The following TRERF1 variants were observed in gnomAD, a reference collection of about 807,000 sequenced individuals.
The protein encoded by TRERF1 is transcriptional-regulating factor 1.
In TRERF1, 27 loss-of-function variants were observed where a neutral mutation model predicts 122.9. The observed-to-expected ratio is 0.22, with a 90% CI of 0.16 to 0.30. The LOEUF (loss-of-function observed/expected upper bound fraction) is 0.30, where lower values mean the gene tolerates loss of function less well. TRERF1 is among the 10% of genes least tolerant of loss of function. The probability of loss-of-function intolerance (pLI) is 1.00; values close to 1 mark genes in which losing one functional copy is unlikely to be tolerated. For missense variants in TRERF1, 1,248 were observed against 1,560.3 expected (o/e 0.80, Z 3.37); for synonymous variants, 636 against 641.7 (o/e 0.99, Z 0.13).
At chr6:42,293,630 T>C (rs1056041204) in intron 4 of TRERF1, among the ~76,000 whole-genome samples, 8 of 152,094 alleles carry the variant, frequency 5.3e-5, no homozygotes, top group African/African-American at 1.9e-4. Flanking sequence ...AGTCTCTCCC[T>C]CTCCTCTTAG....
intron 2 of TRERF1, among the ~76,000 whole-genome samples, chr6:42,386,833 C>A (rs944554651): frequency 6.6e-6 from 1 of 152,186 alleles, no homozygotes; most frequent in African/African-American, 2.4e-5. Context: ...AGATGCGCAG[C>A]AACTAAGCTC....
chr6:42,229,338 A>T (rs1403184534), intron 17 of TRERF1, among the ~76,000 whole-genome samples: 1 of 151,982 alleles, frequency 6.6e-6, no homozygotes, highest in Admixed American at 6.6e-5. Context: ...GAGTCTTGCT[A>T]TGTTGCCCAT....
chr6:42,287,977 C>G (rs1348649199), intron 4 of TRERF1, among the ~76,000 whole-genome samples: 1 of 152,044 alleles, frequency 6.6e-6, no homozygotes, highest in East Asian at 1.9e-4. Context: ...TCCTATGAAG[C>G]CACACAAAGT....
intron 2 of TRERF1, among the ~76,000 whole-genome samples, chr6:42,433,510 C>T (rs1426917968): frequency 6.6e-6 from 1 of 152,042 alleles, no homozygotes. Flanking sequence ...AAATCAGGGC[C>T]TACCAAGGCC....
At chr6:42,331,805 C>A (rs751433355) in intron 3 of TRERF1, among the ~76,000 whole-genome samples, 1 of 152,216 alleles carries the variant, frequency 6.6e-6, no homozygotes, top group Non-Finnish European at 1.5e-5. Flanking sequence ...GCACACATAC[C>A]CCAGGCCCAC....
intron 3 of TRERF1, among the ~76,000 whole-genome samples, chr6:42,360,490 A>G (rs1771501273): frequency 6.6e-6 from 1 of 152,242 alleles, no homozygotes; most frequent in African/African-American, 2.4e-5. Flanking sequence ...ATACCACATT[A>G]AAACACTTGA....
chr6:42,240,350 T>C (rs1561804046), intron 15 of TRERF1, among the ~76,000 whole-genome samples: 1 of 152,198 alleles, frequency 6.6e-6, no homozygotes, highest in Admixed American at 6.5e-5. Flanking sequence ...TAGAAGACCA[T>C]ATTCTCTGAT....
At chr6:42,319,557 C>T (rs1243579629) in intron 3 of TRERF1, among the ~76,000 whole-genome samples, 3 of 152,082 alleles carry the variant, frequency 2.0e-5, no homozygotes, top group African/African-American at 7.2e-5. Flanking sequence ...CACACTGGCT[C>T]ATGCCTGTGA....
chr6:42,386,506 A>G (rs1425335804), intron 2 of TRERF1, among the ~76,000 whole-genome samples: 1 of 152,192 alleles, frequency 6.6e-6, no homozygotes, highest in East Asian at 1.9e-4. Context: ...GACTCCCCCA[A>G]TGGGTAGAAT....
chr6:42,306,817 T>C (rs527544083), intron 3 of TRERF1, among the ~76,000 whole-genome samples: 1 of 152,352 alleles, frequency 6.6e-6, no homozygotes, highest in South Asian at 2.1e-4. Flanking sequence ...TAATCAATTA[T>C]GTGATTAACG....
intron 2 of TRERF1, among the ~76,000 whole-genome samples, chr6:42,412,856 G>A (rs1464042559): frequency 1.3e-5 from 2 of 152,176 alleles, no homozygotes; most frequent in East Asian, 1.9e-4. Context: ...TGAGGTGGGA[G>A]GATCACTTGA....
chr6:42,417,120 G>C (rs899375180), intron 2 of TRERF1, among the ~76,000 whole-genome samples: 1 of 152,068 alleles, frequency 6.6e-6, no homozygotes, highest in African/African-American at 2.4e-5. Context: ...AAAGAGGACA[G>C]ACAGGTTTGC....
chr6:42,330,902 C>T (rs1765128124), intron 3 of TRERF1, among the ~76,000 whole-genome samples: 2 of 152,146 alleles, frequency 1.3e-5, no homozygotes. Flanking sequence ...TGGTCTCTAA[C>T]TCCTGGGCTC....
At chr6:42,351,944 A>G (rs1209515773) in intron 3 of TRERF1, among the ~76,000 whole-genome samples, 9 of 152,246 alleles carry the variant, frequency 5.9e-5, no homozygotes, top group Admixed American at 5.9e-4. Context: ...TGAAACACCT[A>G]TGTTGGACTG....
chr6:42,326,249 G>C (rs189658371), intron 3 of TRERF1, among the ~76,000 whole-genome samples: 1 of 145,354 alleles, frequency 6.9e-6, no homozygotes, highest in East Asian at 1.9e-4. Flanking sequence ...TGGAAGGGGT[G>C]ACAGGGGCCT....
chr6:42,289,199 A>T (rs554098179), intron 4 of TRERF1, among the ~76,000 whole-genome samples: 4 of 151,820 alleles, frequency 2.6e-5, no homozygotes, highest in Non-Finnish European at 5.9e-5. Flanking sequence ...GGTGGCACAT[A>T]CCTGTAATTC....
chr6:42,403,851 A>G (rs1479786552), intron 2 of TRERF1, among the ~76,000 whole-genome samples: 1 of 152,086 alleles, frequency 6.6e-6, no homozygotes, highest in African/African-American at 2.4e-5. Flanking sequence ...CCAGGGCTTC[A>G]TTGTCCACTG....
intron 4 of TRERF1, among the ~76,000 whole-genome samples, chr6:42,295,795 C>A (rs1039174719): frequency 1.3e-5 from 2 of 152,110 alleles, no homozygotes; most frequent in Non-Finnish European, 2.9e-5. Flanking sequence ...TTTATGCATT[C>A]TTTTATAGTA....
At chr6:42,416,162 C>T (rs1283743090) in intron 2 of TRERF1, among the ~76,000 whole-genome samples, 1 of 152,084 alleles carries the variant, frequency 6.6e-6, no homozygotes, top group Non-Finnish European at 1.5e-5. Context: ...ATGCACCAAA[C>T]TACCTTACTG....
Sources: gnomAD v4.1 joint callset for allele counts (sites outside exome capture counted in the v4.1 genomes callset) on GRCh38, gnomAD v4.1.1 for gene constraint, MANE v1.5 for transcripts, NCBI Gene and HGNC (gene_info 2026-07-23, HGNC 2026-07-21) for gene names.